The following STUM variants were observed in gnomAD, a reference collection of about 807,000 sequenced individuals.
The protein encoded by STUM is protein stum homolog.
In STUM, 8 loss-of-function variants were observed where a neutral mutation model predicts 15.3. That is an observed-to-expected ratio of 0.52 (90% CI 0.31 to 0.94). The LOEUF (loss-of-function observed/expected upper bound fraction) is 0.94, where lower values mean the gene tolerates loss of function less well. Ranked by LOEUF, STUM falls within the 40% of genes least tolerant of loss-of-function variation. The pLI is 0.05. For synonymous variants in STUM, 78 were observed against 88.7 expected (o/e 0.88, Z 0.68); for missense variants, 142 against 204.9 (o/e 0.69, Z 1.87).
rs577279289 is a variant in STUM, at chr1:226,559,429, G to A, written c.202+10323G>A. 2.0e-5 allele frequency among the ~76,000 whole-genome samples: 3 copies of A among 152,262 alleles called. No homozygotes were observed. The South Asian group carries it at 6.2e-4, about 32-fold the overall frequency. On this transcript the variant is annotated intron_variant, in intron 1 of 3. Transcript: ENST00000366788. ...CACCATCAGTTACCCTGGCTTCGGG[G>A]CCTCCCTGCCTGTCACAGTGCCTGG...
chr1:226,560,580 G>A (rs1667523567), intron 1 of STUM, among the ~76,000 whole-genome samples: 1 of 152,168 alleles, frequency 6.6e-6, no homozygotes, highest in Admixed American at 6.5e-5. Context: ...TTGAAATGTG[G>A]GGCATGTGTG....
chr1:226,594,599 A>G (rs1668141616), intron 1 of STUM, among the ~76,000 whole-genome samples: 1 of 152,168 alleles, frequency 6.6e-6, no homozygotes, highest in Admixed American at 6.5e-5. Flanking sequence ...TTAGTTCCTG[A>G]GAGTTATTAG....
intron 1 of STUM, among the ~76,000 whole-genome samples, chr1:226,580,054 G>A (rs1288871322): frequency 6.6e-6 from 1 of 152,226 alleles, no homozygotes; most frequent in Non-Finnish European, 1.5e-5. Flanking sequence ...GTCCAGGCAA[G>A]AGTTGATGGG....
Position 226,587,871 on chromosome 1 carries a change from C to T in STUM, c.203-8931C>T, listed in dbSNP as rs112821526. On this transcript the variant is annotated intron_variant, in intron 1 of 3. Coordinates refer to ENST00000366788, the MANE Select transcript of STUM (RefSeq NM_001003665.4). Reference sequence around the variant, plus strand: ...TGGGTTATTGGCCACTGGGAACTGCCGATAGCAGGAAAGACCCCTTAGTTA... The same window carrying T: ...TGGGTTATTGGCCACTGGGAACTGCTGATAGCAGGAAAGACCCCTTAGTTA... Among the ~76,000 whole-genome samples the T allele has an allele frequency of 4.1e-3, 629 of 152,200 alleles. 4 individuals carry two copies. Among genetic ancestry groups the T allele is most frequent in the African/African-American group, 0.014 (595 of 41,534 alleles).
At chr1:226,592,682 CTT>C (rs1298336932) in intron 1 of STUM, among the ~76,000 whole-genome samples, 2 of 152,250 alleles carry the variant, frequency 1.3e-5, no homozygotes, top group Non-Finnish European at 2.9e-5. Flanking sequence ...GCAGCGTTCT[CTT>C]TTGTAATAGT....
intron 1 of STUM, among the ~76,000 whole-genome samples, chr1:226,586,325 T>A (rs1416861041): frequency 2.6e-5 from 4 of 152,118 alleles, no homozygotes; most frequent in Non-Finnish European, 5.9e-5. Flanking sequence ...TCACACACAC[T>A]GGGCTGCCGA....
chr1:226,584,107 T>A (rs1667960714), intron 1 of STUM, among the ~76,000 whole-genome samples: 1 of 152,184 alleles, frequency 6.6e-6, no homozygotes, highest in Non-Finnish European at 1.5e-5. Context: ...GTGTGGGGCC[T>A]CAGCTAGCAA....
intron 3 of STUM, 105 bp from the exon 4 acceptor site, chr1:226,601,898 TTAG>T: frequency 1.2e-6 from 1 of 858,616 alleles, no homozygotes; most frequent in Non-Finnish European, 1.9e-6. Flanking sequence ...CATTTACACC[TTAG>T]TATAAACAAT....
chr1:226,560,773 AT>A (rs1238151349), intron 1 of STUM, among the ~76,000 whole-genome samples: 1 of 151,920 alleles, frequency 6.6e-6, no homozygotes, highest in Non-Finnish European at 1.5e-5. Flanking sequence ...TCCCATTTTG[AT>A]TTTCTCTGTT....
Position 226,600,781 on chromosome 1 carries a change from GTCAA to G in STUM, c.391+109_391+112del. The G allele has an allele frequency of 2.2e-5, 27 of 1,223,532 alleles. No homozygotes were observed. The highest frequency in any genetic ancestry group is 3.2e-5 in the Non-Finnish European group (27 of 840,292). The allele number at this position is 1,223,532 out of a possible 1,614,324, so 75.8% of individuals were successfully genotyped here. ...AACACCCCACCCACTCTCCCAGTGG[GTCAA>G]TGGGCTTTTATGTTTAGCTTGAACT... On this transcript the variant is annotated intron_variant, in intron 3 of 3. Transcript: ENST00000366788. This position sits in a 1 kb window ranked among gnomAD's most constrained non-coding sequence, Gnocchi z 5.2.
intron 1 of STUM, among the ~76,000 whole-genome samples, chr1:226,562,328 G>T (rs1034620388): frequency 2.0e-5 from 3 of 152,008 alleles, no homozygotes; most frequent in African/African-American, 7.2e-5. Flanking sequence ...AATTAGCCAG[G>T]TGTGGTGGTG....
chr1:226,575,002 C>T (rs940944315), intron 1 of STUM, among the ~76,000 whole-genome samples: 2 of 152,132 alleles, frequency 1.3e-5, no homozygotes, highest in Admixed American at 6.5e-5. Flanking sequence ...CCTTGCTGTC[C>T]GGGCTGCTGG....
At position 226,565,577 on chromosome 1, in the gene STUM, A is replaced by T. The variant is rs1667608448; in HGVS notation, c.202+16471A>T. Among the ~76,000 whole-genome samples the T allele has an allele frequency of 6.6e-6, 1 of 152,200 alleles. No individual in the cohort carries two copies. The highest frequency in any genetic ancestry group is 1.5e-5 in the Non-Finnish European group (1 of 68,028). ...TGGAGCCAGGGCTTCCTGCCGTCTG[A>T]AAAGTGTGGGTGTCCAGCTTGCAAA... On this transcript the variant is annotated intron_variant, in intron 1 of 3. Coordinates refer to ENST00000366788, the MANE Select transcript of STUM (RefSeq NM_001003665.4). The surrounding 1 kb of genome is among the most constrained non-coding windows in gnomAD (Gnocchi z 4.4).
intron 1 of STUM, among the ~76,000 whole-genome samples, chr1:226,573,084 C>T (rs901840968): frequency 2.0e-5 from 3 of 152,178 alleles, no homozygotes; most frequent in Admixed American, 1.3e-4. Flanking sequence ...TCCAACTTTC[C>T]GGAGTTGGTC....
intron 1 of STUM, among the ~76,000 whole-genome samples, chr1:226,566,285 A>T (rs1214532597): frequency 1.3e-5 from 2 of 152,222 alleles, no homozygotes; most frequent in African/African-American, 4.8e-5. Flanking sequence ...ACTTGAAAGA[A>T]TCCCTTTTGA....
intron 1 of STUM, among the ~76,000 whole-genome samples, chr1:226,580,364 C>T (rs1667898887): frequency 6.6e-6 from 1 of 152,030 alleles, no homozygotes; most frequent in Non-Finnish European, 1.5e-5. Flanking sequence ...AGCTCAGAGG[C>T]AAGGTCTGTG....
At chr1:226,564,424 C>T (rs1379374358) in intron 1 of STUM, among the ~76,000 whole-genome samples, 1 of 152,114 alleles carries the variant, frequency 6.6e-6, no homozygotes, top group Non-Finnish European at 1.5e-5. Context: ...TCATGGGGTT[C>T]CCTTCCCAGC....
chr1:226,600,753 A>T lies in STUM; in HGVS notation c.391+79A>T, dbSNP rs1668251079. The T allele has an allele frequency of 9.5e-6, 14 of 1,479,220 alleles. No homozygotes were observed. The South Asian group carries it at 1.2e-4, about 13-fold the overall frequency. The allele number at this position is 1,479,220 out of a possible 1,614,324, so 91.6% of individuals were successfully genotyped here. A position where few individuals can be genotyped will look rare whatever the true frequency, so the allele number is the denominator to read the frequency against. The stretch of plus-strand genomic sequence containing the variant: ...TCCCCCGAGACCCCCACTCCTGCAC[A>T]CAAACACCCCACCCACTCTCCCAGT... On this transcript the variant is annotated intron_variant, in intron 3 of 3. Transcript: ENST00000366788. The surrounding 1 kb of genome is among the most constrained non-coding windows in gnomAD (Gnocchi z 5.2).
rs888385430 is a variant in STUM, at chr1:226,549,349, C to A, written c.202+243C>A. ...AGGCGGGGCCCCAAAGAGCCGGAAA[C>A]TTTGCGGCCAATGTTGGAGCCCGCA... On this transcript the variant is annotated intron_variant, in intron 1 of 3. Transcript: ENST00000366788. The surrounding 1 kb of genome is among the most constrained non-coding windows in gnomAD (Gnocchi z 6.8). Among the ~76,000 whole-genome samples the A allele has an allele frequency of 6.6e-6, 1 of 152,166 alleles. No homozygotes were observed. The highest frequency in any genetic ancestry group is 1.5e-5 in the Non-Finnish European group (1 of 68,024).
Sources: gnomAD v4.1 joint callset for allele counts (sites outside exome capture counted in the v4.1 genomes callset) on GRCh38, gnomAD v4.1.1 for gene constraint, Gnocchi (gnomAD v3.1) non-coding constraint, MANE v1.5 for transcripts, NCBI Gene and HGNC (gene_info 2026-07-23, HGNC 2026-07-21) for gene names.